Variants in GMCL1 observed in about 807,000 individuals in gnomAD.
GMCL1 encodes the protein germ cell-less 1, spermatogenesis associated.
Under a neutral mutation model 75.5 loss-of-function variants are expected in GMCL1, and 54 were observed. The ratio of observed to expected loss-of-function variants is 0.71; its 90% CI spans 0.57 to 0.90. The LOEUF (loss-of-function observed/expected upper bound fraction) is 0.90. Ranked by LOEUF, GMCL1 falls within the 40% of genes least tolerant of loss-of-function variation. The pLI is 0.00. For synonymous variants in GMCL1, 210 were observed against 209.6 expected (o/e 1.00, Z -0.02); for missense variants, 537 against 622.7 (o/e 0.86, Z 1.47).
Position 69,835,462 on chromosome 2 carries a change from C to T in GMCL1, c.261-2085C>T, listed in dbSNP as rs940588541. Among the ~76,000 whole-genome samples the T allele has an allele frequency of 2.0e-5, 3 of 151,648 alleles. No individual in the cohort carries two copies. The East Asian group carries it at 5.9e-4, about 30-fold the overall frequency. On this transcript the variant is annotated intron_variant, in intron 1 of 13. Transcript: ENST00000282570. Reference sequence around the variant, plus strand: ...TCTCTGATATGCTCTTATTCTTCCTCATGGTGGGTGATCCTTCCTTGCTTG... The same window carrying T: ...TCTCTGATATGCTCTTATTCTTCCTTATGGTGGGTGATCCTTCCTTGCTTG...
At chr2:69,869,417 C>CAAAA (rs34136837) in intron 11 of GMCL1, 29 of 64,036 alleles carry the variant, frequency 4.5e-4, no homozygotes, top group African/African-American at 6.1e-4. Context: ...GACTCTGTCT[C>CAAAA]AAAAAAAAAA....
intron 1 of GMCL1, among the ~76,000 whole-genome samples, chr2:69,833,928 A>G (rs1218892651): frequency 2.0e-5 from 3 of 152,200 alleles, no homozygotes; most frequent in Non-Finnish European, 4.4e-5. Context: ...ATTGTTTCAG[A>G]AGAGTTAAGT....
intron 9 of GMCL1, among the ~76,000 whole-genome samples, chr2:69,859,820 T>G (rs1233565948): frequency 6.6e-6 from 1 of 151,030 alleles, no homozygotes; most frequent in Non-Finnish European, 1.5e-5. Flanking sequence ...CGGATTACTT[T>G]TATTAAGTAG....
intron 8 of GMCL1, among the ~76,000 whole-genome samples, chr2:69,851,252 C>T (rs754732254): frequency 6.6e-5 from 10 of 152,066 alleles, no homozygotes; most frequent in Non-Finnish European, 1.2e-4. Flanking sequence ...GCCTGGGCAA[C>T]ATATCAAGAC....
intron 10 of GMCL1, among the ~76,000 whole-genome samples, chr2:69,862,211 CTG>C (rs1253307167): frequency 2.0e-5 from 3 of 152,106 alleles, no homozygotes; most frequent in Non-Finnish European, 4.4e-5. Flanking sequence ...TGTGGAGAGA[CTG>C]AGTGTACAGA....
At chr2:69,831,474 TCTCAAACGCCTGGGTTGAAGCGATC>T (rs1269411695) in intron 1 of GMCL1, among the ~76,000 whole-genome samples, 1 of 151,998 alleles carries the variant, frequency 6.6e-6, no homozygotes, top group African/African-American at 2.4e-5. Flanking sequence ...CCCAGGCTGG[TCTCAAACGCCTGGGTTGAAGCGATC>T]CTCCCACCTA....
At chr2:69,858,860 A>AT (rs1297539177) in intron 9 of GMCL1, among the ~76,000 whole-genome samples, 2 of 152,186 alleles carry the variant, frequency 1.3e-5, no homozygotes, top group African/African-American at 4.8e-5. Context: ...ATTCTAAAAC[A>AT]TTTTTGGCCG....
At chr2:69,853,191 A>G (rs1013943341) in intron 8 of GMCL1, among the ~76,000 whole-genome samples, 6 of 152,228 alleles carry the variant, frequency 3.9e-5, no homozygotes, top group Non-Finnish European at 5.9e-5. Flanking sequence ...ACAAAATGGT[A>G]TTCTCAGCAC....
intron 13 of GMCL1, among the ~76,000 whole-genome samples, chr2:69,877,373 G>C (rs1676154916): frequency 3.9e-5 from 6 of 152,104 alleles, no homozygotes; most frequent in Admixed American, 3.9e-4. Context: ...ACCCTTCCCT[G>C]CCTCAATCTT....
intron 9 of GMCL1, 136 bp downstream of exon 9, chr2:69,855,096 A>C (rs1055789485): frequency 1.6e-6 from 1 of 637,356 alleles, no homozygotes; most frequent in Admixed American, 3.5e-5. Context: ...CCAAAGTGGA[A>C]TCATCCTATA....
Position 69,829,701 on chromosome 2 carries a change from G to C in GMCL1, c.-192G>C. On this transcript the variant is annotated 5_prime_UTR_variant, in exon 1 of 14. Coordinates refer to ENST00000282570, the MANE Select transcript of GMCL1 (RefSeq NM_178439.5). ...GAGGGGGCGAGGTGCTGCGGTGCTA[G>C]AGCGCGGCGCGACCGGACGCTGCGG... The C allele has an allele frequency of 1.6e-6, 1 of 629,628 alleles. No homozygotes were observed. Among genetic ancestry groups the C allele is most frequent in the Non-Finnish European group, 2.6e-6 (1 of 377,456 alleles). The allele number at this position is 629,628 out of a possible 1,614,324, so 39.0% of individuals were successfully genotyped here.
At position 69,829,862 on chromosome 2, in the gene GMCL1, G is replaced by T; in HGVS notation, c.-31G>T. On this transcript the variant is annotated 5_prime_UTR_variant, in exon 1 of 14. Coordinates refer to ENST00000282570, the MANE Select transcript of GMCL1 (RefSeq NM_178439.5). ...CCATGGCGGGAGACCCCCTTCTCTGGGCTCCCTGAAGTCTCGGGGAGCCGT... is the reference window on the plus strand; with the variant it reads ...CCATGGCGGGAGACCCCCTTCTCTGTGCTCCCTGAAGTCTCGGGGAGCCGT... 6.5e-7 allele frequency: 1 copy of T among 1,534,036 alleles called. No individual in the cohort carries two copies. Among genetic ancestry groups the T allele is most frequent in the East Asian group, 2.3e-5 (1 of 43,022 alleles).
chr2:69,856,298 G>A (rs942409792), intron 9 of GMCL1, among the ~76,000 whole-genome samples: 5 of 152,132 alleles, frequency 3.3e-5, no homozygotes, highest in African/African-American at 1.2e-4. Context: ...ATGTGTTAAC[G>A]TTAATCAAAG....
At chr2:69,876,799 G>A (rs1448529043) in intron 13 of GMCL1, among the ~76,000 whole-genome samples, 1 of 152,110 alleles carries the variant, frequency 6.6e-6, no homozygotes, top group African/African-American at 2.4e-5. Flanking sequence ...GACCAGCCCT[G>A]GCAACTTAGC....
At chr2:69,831,039 C>T (rs575865090) in intron 1 of GMCL1, among the ~76,000 whole-genome samples, 24 of 152,246 alleles carry the variant, frequency 1.6e-4, no homozygotes, top group Middle Eastern at 3.4e-3. Flanking sequence ...GTGCCTCAGC[C>T]TCCCGAGTAG....
chr2:69,843,061 T>TTTC (rs1675031629), intron 4 of GMCL1, 88 bp from the exon 5 acceptor site: 2 of 519,058 alleles, frequency 3.9e-6, no homozygotes, highest in Non-Finnish European at 6.7e-6. Flanking sequence ...TCTTTTTTTT[T>TTTC]TTCTTTTACT....
intron 13 of GMCL1, chr2:69,873,674 T>C (rs892391200): frequency 1.2e-5 from 2 of 165,474 alleles, no homozygotes; most frequent in African/African-American, 4.8e-5. Context: ...CTTGGCCACA[T>C]TGGTGTCATA....
intron 12 of GMCL1, 135 bp downstream of exon 12, chr2:69,869,999 G>A: frequency 1.3e-6 from 1 of 789,536 alleles, no homozygotes; most frequent in East Asian, 2.8e-5. Context: ...GAAATGACGA[G>A]GCTCCATTCC....
chr2:69,856,545 T>A (rs1455928613), intron 9 of GMCL1, among the ~76,000 whole-genome samples: 1 of 152,058 alleles, frequency 6.6e-6, no homozygotes, highest in Non-Finnish European at 1.5e-5. Flanking sequence ...TTCCTCCACT[T>A]GGATACCTCT....
Sources: gnomAD v4.1 joint callset for allele counts (sites outside exome capture counted in the v4.1 genomes callset) on GRCh38, gnomAD v4.1.1 for gene constraint, MANE v1.5 for transcripts, NCBI Gene and HGNC (gene_info 2026-07-23, HGNC 2026-07-21) for gene names.